Variants in MBTD1 observed in about 807,000 individuals in gnomAD.
MBTD1 encodes MBT domain-containing protein 1.
A neutral mutation model predicts 87.8 loss-of-function variants in MBTD1; 24 were observed. The observed-to-expected ratio is 0.27, with a 90% CI of 0.20 to 0.38. The LOEUF (loss-of-function observed/expected upper bound fraction) is 0.38, where lower values mean the gene tolerates loss of function less well. Among genes scored for constraint, MBTD1 ranks in the 10% least tolerant of loss-of-function variants. MBTD1 has a pLI of 1.00. For synonymous variants in MBTD1, 237 were observed against 248.6 expected (o/e 0.95, Z 0.44); for missense variants, 436 against 760.2 (o/e 0.57, Z 5.02).
upstream of MBTD1, chr17:51,260,529 G>A (rs1385598483): frequency 4.6e-5 from 71 of 1,547,520 alleles, no homozygotes; most frequent in Non-Finnish European, 6.0e-5. Context: ...GAGGGGCCTG[G>A]GCGCATGCGC....
intron 6 of MBTD1, chr17:51,209,405 G>A (rs748980074): frequency 4.2e-6 from 2 of 471,212 alleles, no homozygotes; most frequent in South Asian, 3.1e-5. Flanking sequence ...CACTCGTGAG[G>A]GCTATCTGGG....
At position 51,257,264 on chromosome 17, in the gene MBTD1, T is replaced by C. The variant is rs1047912730; in HGVS notation, c.-49+1879A>G. Among the ~76,000 whole-genome samples, 2 of 152,200 alleles carry C rather than the reference T, an allele frequency of 1.3e-5. 1 individual carries two copies. Among genetic ancestry groups the C allele is most frequent in the South Asian group, 4.1e-4 (2 of 4,832 alleles). On this transcript the variant is annotated intron_variant, in intron 2 of 16. Coordinates refer to ENST00000586178, the MANE Select transcript of MBTD1 (RefSeq NM_017643.3). ...CCCTCAGACTAATGATACATAAGTG[T>C]GAAAGGTTATATCTTATTTAGCAAA...
At chr17:51,195,795 G>C (rs188539260) in intron 12 of MBTD1, among the ~76,000 whole-genome samples, 3 of 152,280 alleles carry the variant, frequency 2.0e-5, no homozygotes, top group South Asian at 2.1e-4. Context: ...GCTCCAACTT[G>C]ATCTCTTTTA....
At chr17:51,242,284 C>G (rs1052949954) in intron 2 of MBTD1, among the ~76,000 whole-genome samples, 1 of 152,204 alleles carries the variant, frequency 6.6e-6, no homozygotes, top group Admixed American at 6.5e-5. Flanking sequence ...CAACTCCAAG[C>G]CATCCCCACA....
rs2051500040 is a variant in MBTD1, at chr17:51,201,686, A to T, written c.1130T>A (p.Val377Glu). 1.3e-6 allele frequency: 2 copies of T among 1,596,566 alleles called. No individual in the cohort carries two copies. The highest frequency in any genetic ancestry group is 1.7e-6 in the Non-Finnish European group (2 of 1,165,562). ...PPHLFAKVKEVDQSGEWFKEG... is the reference protein window; with the variant it reads ...PPHLFAKVKEEDQSGEWFKEG... ...CTTGAACCATTCCCCACTCTGGTCT[A>T]CTTCTTTTACCTAAAGAATTATATG... The change falls in exon 12 of 17, where the codon GTA (valine) becomes GAA (glutamate). Residue 377 changes from valine to glutamate, a missense_variant. Around this residue, in one of 5 missense-constraint regions of MBTD1, gnomAD observed 268 missense variants for 401.8 expected, o/e 0.67. Coordinates refer to ENST00000586178, the MANE Select transcript of MBTD1 (RefSeq NM_017643.3).
At chr17:51,221,825 T>C (rs1164492779) in intron 3 of MBTD1, among the ~76,000 whole-genome samples, 1 of 152,242 alleles carries the variant, frequency 6.6e-6, no homozygotes, top group Non-Finnish European at 1.5e-5. Flanking sequence ...TCATTTTATA[T>C]AAGGAATTTG....
In MBTD1 at chr17:51,203,905, A is replaced by C; in HGVS notation, c.625T>G (p.Tyr209Asp). ...CCAGAGTCATTTTCAAATCCTTCATATCTTAAAAGGGCATTGTAACCTGAA... is the reference window on the plus strand; with the variant it reads ...CCAGAGTCATTTTCAAATCCTTCATCTCTTAAAAGGGCATTGTAACCTGAA... ...KLAGYNALLR[Y>D]EGFENDSGLD... The change falls in exon 8 of 17, where the codon TAT (tyrosine) becomes GAT (aspartate). Residue 209 changes from tyrosine (Y) to aspartate (D), a missense_variant. Tyr to Asp is a radical substitution (Grantham distance 160). Around this residue, in one of 5 missense-constraint regions of MBTD1, gnomAD observed 268 missense variants for 401.8 expected, o/e 0.67. Transcript: ENST00000586178. 6.2e-7 allele frequency: 1 copy of C among 1,608,978 alleles called. No homozygotes were observed. Among genetic ancestry groups the C allele is most frequent in the Non-Finnish European group, 8.5e-7 (1 of 1,178,660 alleles).
chr17:51,256,002 G>C (rs1289178002), intron 2 of MBTD1, among the ~76,000 whole-genome samples: 4 of 152,160 alleles, frequency 2.6e-5, no homozygotes, highest in African/African-American at 9.7e-5. Context: ...AATTAAGACT[G>C]CAAACGGTGG....
chr17:51,259,710 G>A (rs1169442754), intron 1 of MBTD1, 125 bp downstream of exon 1: 10 of 907,664 alleles, frequency 1.1e-5, no homozygotes, highest in Middle Eastern at 3.8e-4. Flanking sequence ...CGGAGGTTGA[G>A]AGGGCGTGGG....
chr17:51,217,359 G>A lies in MBTD1; in HGVS notation c.461C>T (p.Ala154Val). The change falls in exon 6 of 17, where the codon GCA becomes GTA. Residue 154 changes from alanine (A) to valine (V), a missense_variant. Ala to Val is a moderately conservative substitution (Grantham distance 64). Coordinates refer to ENST00000586178, the MANE Select transcript of MBTD1 (RefSeq NM_017643.3). ...GNYINSNSFIAAPVTCFKHAP... is the reference protein window; with the variant it reads ...GNYINSNSFIVAPVTCFKHAP... ...ATGTTTAAAACAGGTAACCGGAGCT[G>A]CTATAAAGCTATTGCTATTGATGTA... The A allele has an allele frequency of 6.5e-7, 1 of 1,538,778 alleles. No individual in the cohort carries two copies.
In MBTD1 at chr17:51,258,807, G is replaced by C. The variant is rs561140443; in HGVS notation, c.-49+336C>G. 2.6e-5 allele frequency among the ~76,000 whole-genome samples: 4 copies of C among 152,294 alleles called. No individual in the cohort carries two copies. The South Asian group carries it at 8.3e-4, about 32-fold the overall frequency. The stretch of plus-strand genomic sequence containing the variant: ...TATTGTAATTCTTTAGCTTCCTGTA[G>C]AAAAACATCTTCAGGCATGTAAGCC... On this transcript the variant is annotated intron_variant, in intron 2 of 16. Coordinates refer to ENST00000586178, the MANE Select transcript of MBTD1 (RefSeq NM_017643.3).
intron 2 of MBTD1, among the ~76,000 whole-genome samples, chr17:51,252,892 A>G (rs1003730950): frequency 2.6e-5 from 4 of 151,978 alleles, no homozygotes; most frequent in African/African-American, 9.7e-5. Flanking sequence ...AAAGTCACTA[A>G]TGTCTAAAAT....
intron 1 of MBTD1, 116 bp downstream of exon 1, chr17:51,259,719 G>C: frequency 2.0e-6 from 2 of 987,480 alleles, no homozygotes; most frequent in South Asian, 1.0e-4. Flanking sequence ...AGAGGGCGTG[G>C]GATGGAGAAG....
At chr17:51,214,550 G>C (rs2143484865) in intron 6 of MBTD1, among the ~76,000 whole-genome samples, 1 of 152,210 alleles carries the variant, frequency 6.6e-6, no homozygotes, top group African/African-American at 2.4e-5. Flanking sequence ...ATTTATCTGG[G>C]ATCCTTATTC....
At chr17:51,241,321 T>C (rs1158559604) in intron 2 of MBTD1, among the ~76,000 whole-genome samples, 1 of 152,110 alleles carries the variant, frequency 6.6e-6, no homozygotes, top group Non-Finnish European at 1.5e-5. Context: ...GTTTCTCCAC[T>C]GTACTTTTAC....
intron 2 of MBTD1, among the ~76,000 whole-genome samples, chr17:51,231,107 T>G (rs1231833520): frequency 2.0e-5 from 3 of 152,062 alleles, no homozygotes; most frequent in Admixed American, 1.3e-4. Context: ...CAGGCTAACT[T>G]TTGTATTTTT....
intron 2 of MBTD1, among the ~76,000 whole-genome samples, chr17:51,244,267 C>A (rs185783108): frequency 4.6e-5 from 7 of 152,294 alleles, no homozygotes; most frequent in Admixed American, 4.6e-4. Flanking sequence ...TGTCATAACC[C>A]CCTTTTATTG....
Position 51,180,779 on chromosome 17 carries a change from TAC to T in MBTD1, c.1769-87_1769-86del, listed in dbSNP as rs200155927. ...TGTGATCTTCGTGTTCCGTCAGCTT[TAC>T]AGTTATTAAGACTTCTTCATTTCTT... On this transcript the variant is annotated intron_variant, in intron 16 of 16. Coordinates refer to ENST00000586178, the MANE Select transcript of MBTD1 (RefSeq NM_017643.3). 2.4e-3 allele frequency: 1,727 copies of T among 725,930 alleles called. 32 individuals carry two copies. The African/African-American group carries it at 0.028, about 12-fold the overall frequency. The allele number at this position is 725,930 out of a possible 1,614,324, so 45.0% of individuals were successfully genotyped here. A position where few individuals can be genotyped will look rare whatever the true frequency, so the allele number is the denominator to read the frequency against.
intron 2 of MBTD1, chr17:51,256,631 CTACT>C (rs1194810165): frequency 7.9e-5 from 12 of 152,162 alleles, no homozygotes; most frequent in African/African-American, 2.4e-4. Flanking sequence ...AGACATTTGG[CTACT>C]TAAATTTACA....
Sources: allele counts gnomAD v4.1 joint callset (sites outside exome capture counted in the v4.1 genomes callset), GRCh38; gene constraint gnomAD v4.1.1; regional missense constraint gnomAD v4.1.1; transcripts MANE v1.5; gene names NCBI Gene and HGNC (gene_info 2026-07-23, HGNC 2026-07-21).